GCFC2: variants seen among roughly 807,000 people sequenced by gnomAD.
GCFC2 encodes GC-rich sequence DNA-binding factor 2.
A neutral mutation model predicts 99.4 loss-of-function variants in GCFC2; 102 were observed. That is an observed-to-expected ratio of 1.03 (90% CI 0.87 to 1.21). GCFC2 has a LOEUF of 1.21. GCFC2 is among the 50% of genes most tolerant of loss of function. The pLI, the probability that GCFC2 is intolerant of heterozygous loss-of-function variation, is 0.00. For synonymous variants in GCFC2, 338 were observed against 316.8 expected (o/e 1.07, Z -0.71); for missense variants, 973 against 920.9 (o/e 1.06, Z -0.73).
In GCFC2 at chr2:75,687,935, C is replaced by T; in HGVS notation, c.1582G>A (p.Val528Ile). 6.2e-7 allele frequency: 1 copy of T among 1,600,466 alleles called. No homozygotes were observed. Among genetic ancestry groups the T allele is most frequent in the Non-Finnish European group, 8.5e-7 (1 of 1,171,824 alleles). ...ACACTGCTATCCATAAATTCTTCTA[C>T]AGATTTGAACCATGGCATCTCTTTT... Reference protein sequence around the residue: ...GLKEMPWFKSVEEFMDSSVED... With the variant: ...GLKEMPWFKSIEEFMDSSVED... Residue 528 changes from valine (V) to isoleucine (I), a missense_variant, in exon 11 of 17, where the codon GTA becomes ATA. By Grantham distance (29) the Val-to-Ile change is conservative. Coordinates refer to ENST00000321027, the MANE Select transcript of GCFC2 (RefSeq NM_003203.5).
At chr2:75,686,044 T>C (rs1445861317) in intron 11 of GCFC2, among the ~76,000 whole-genome samples, 1 of 152,208 alleles carries the variant, frequency 6.6e-6, no homozygotes, top group Non-Finnish European at 1.5e-5. Context: ...ATTCAATCAC[T>C]ATTTGGACTC....
At chr2:75,680,571 C>A (rs1043533903) in intron 11 of GCFC2, among the ~76,000 whole-genome samples, 21 of 152,128 alleles carry the variant, frequency 1.4e-4, no homozygotes, top group African/African-American at 4.1e-4. Flanking sequence ...TGCAACCATG[C>A]AGATAAAAAG....
At position 75,696,324 on chromosome 2, in the gene GCFC2, G is replaced by A. The variant is rs1314181354; in HGVS notation, c.718-9C>T. ...AGATCTATGTCTCTTTCCTAAAAAA[G>A]TAAAAATAGATTTTTACAAAACCAT... is the stretch of plus-strand genomic sequence containing the variant. On this transcript the variant is annotated splice_polypyrimidine_tract_variant and intron_variant, in intron 4 of 16. Transcript: ENST00000321027. The A allele has an allele frequency of 9.0e-6, 10 of 1,110,292 alleles. No individual in the cohort carries two copies. The highest frequency in any genetic ancestry group is 1.2e-5 in the Non-Finnish European group (9 of 729,888). The allele number at this position is 1,110,292 out of a possible 1,614,324, so 68.8% of individuals were successfully genotyped here. A position where few individuals can be genotyped will look rare whatever the true frequency, so the allele number is the denominator to read the frequency against.
chr2:75,695,467 G>A (rs1181041060), intron 5 of GCFC2, among the ~76,000 whole-genome samples: 2 of 151,990 alleles, frequency 1.3e-5, no homozygotes, highest in Non-Finnish European at 2.9e-5. Context: ...ATAGAAAAAT[G>A]CTTATAATCA....
At position 75,687,892 on chromosome 2, in the gene GCFC2, T is replaced by G. The variant is rs1679891839; in HGVS notation, c.1625A>C (p.Glu542Ala). ...CAAGACTTTTTTATCTGAACTACTT[T>G]CCTTCTTTGAATCTTCCACACTGCT... ...MDSSVEDSKKESSSDKKVLSA... is the reference protein window; with the variant it reads ...MDSSVEDSKKASSSDKKVLSA... The change falls in exon 11 of 17, where the codon GAA (glutamate) becomes GCA (alanine). Residue 542 changes from glutamate (E) to alanine (A), a missense_variant. By Grantham distance (107) the Glu-to-Ala change is moderately radical. Transcript: ENST00000321027. 1.2e-6 allele frequency: 2 copies of G among 1,605,502 alleles called. No individual in the cohort carries two copies. The highest frequency in any genetic ancestry group is 1.6e-4 in the Middle Eastern group (1 of 6,070).
chr2:75,690,030 T>G lies in GCFC2; in HGVS notation c.1278A>C (p.Glu426Asp). 1 of 1,610,224 alleles carries G rather than the reference T, an allele frequency of 6.2e-7. No individual in the cohort carries two copies. The highest frequency in any genetic ancestry group is 8.5e-7 in the Non-Finnish European group (1 of 1,177,946). The change falls in exon 9 of 17, where the codon GAA becomes GAC. Residue 426 changes from glutamate to aspartate, a missense_variant. By Grantham distance (45) the Glu-to-Asp change is conservative (BLOSUM62 2). Coordinates refer to ENST00000321027, the MANE Select transcript of GCFC2 (RefSeq NM_003203.5). ...GCAGTTCATCATCACTAGATGTTCC[T>G]TCCTGATGGTTACAATTCCCAGAAA... The part of the protein sequence containing the change: ...RVLSGNCNHQ[E>D]GTSSDDELPS...
intron 12 of GCFC2, chr2:75,679,730 G>A: frequency 2.5e-6 from 1 of 398,586 alleles, no homozygotes; most frequent in Non-Finnish European, 4.4e-6. Context: ...TCCTTTAGAA[G>A]AAATGAATTT....
At chr2:75,686,765 T>G (rs889265617) in intron 11 of GCFC2, among the ~76,000 whole-genome samples, 11 of 151,984 alleles carry the variant, frequency 7.2e-5, no homozygotes, top group Non-Finnish European at 1.0e-4. Flanking sequence ...CACAAAAAAT[T>G]AAATAAGAGT....
chr2:75,676,341 G>C (rs1679338509), intron 12 of GCFC2, among the ~76,000 whole-genome samples: 2 of 152,196 alleles, frequency 1.3e-5, no homozygotes, highest in African/African-American at 4.8e-5. Flanking sequence ...AACAATGAGA[G>C]TTAACAAACT....
At chr2:75,688,670 A>G (rs1297796556) in intron 10 of GCFC2, among the ~76,000 whole-genome samples, 1 of 151,852 alleles carries the variant, frequency 6.6e-6, no homozygotes, top group East Asian at 1.9e-4. Flanking sequence ...ACCCTAAGCA[A>G]CTCTTCCCAG....
intron 11 of GCFC2, among the ~76,000 whole-genome samples, chr2:75,684,391 A>G (rs1679723394): frequency 6.6e-6 from 1 of 152,236 alleles, no homozygotes; most frequent in South Asian, 2.1e-4. Context: ...TGGGTAAATA[A>G]AGAAATGGAG....
chr2:75,704,276 A>G (rs1427745087), intron 2 of GCFC2, among the ~76,000 whole-genome samples: 1 of 152,206 alleles, frequency 6.6e-6, no homozygotes, highest in Admixed American at 6.5e-5. Flanking sequence ...GTAACAAGTA[A>G]TCTCTGCTAG....
intron 14 of GCFC2, 26 bp downstream of exon 14, chr2:75,671,923 CT>C: frequency 8.0e-7 from 1 of 1,250,144 alleles, no homozygotes; most frequent in Non-Finnish European, 1.2e-6. Flanking sequence ...CAAAAATTGC[CT>C]TTTCATTTTT....
chr2:75,671,871 A>G, intron 14 of GCFC2, 79 bp downstream of exon 14: 2 of 692,804 alleles, frequency 2.9e-6, no homozygotes, highest in South Asian at 1.6e-5. Flanking sequence ...TTCTTATAGA[A>G]GAAGTTTGTT....
chr2:75,689,171 C>A lies in GCFC2; in HGVS notation c.1394G>T (p.Cys465Phe). 2 of 1,605,154 alleles carry A rather than the reference C, an allele frequency of 1.2e-6. No homozygotes were observed. Among genetic ancestry groups the A allele is most frequent in the Non-Finnish European group, 1.7e-6 (2 of 1,174,198 alleles). Residue 465 changes from cysteine to phenylalanine, a missense_variant, in exon 10 of 17, where the codon TGT becomes TTT. Transcript: ENST00000321027. The stretch of plus-strand genomic sequence containing the variant: ...TTTCAACAAAATATTCTGGATGTTA[C>A]AAAAATCATCTTGCACTTCTTCAAA... ...KVFEEVQDDF[C>F]NIQNILLKFQ... is the part of the protein sequence containing the mutation.
chr2:75,711,753 C>T (rs536427111), upstream of GCFC2, among the ~76,000 whole-genome samples: 139 of 152,346 alleles, frequency 9.1e-4, no homozygotes, highest in African/African-American at 3.1e-3. Context: ...GGTCCCCTAG[C>T]AGTGCCGGCC....
intron 15 of GCFC2, 78 bp downstream of exon 15, chr2:75,670,060 T>C (rs1052940309): frequency 1.1e-6 from 1 of 945,652 alleles, no homozygotes; most frequent in African/African-American, 1.7e-5. Context: ...CATTTAATTA[T>C]TTTGCTAAAT....
At chr2:75,700,689 T>C (rs981119215) in intron 4 of GCFC2, among the ~76,000 whole-genome samples, 3 of 152,240 alleles carry the variant, frequency 2.0e-5, no homozygotes, top group Admixed American at 6.5e-5. Flanking sequence ...AAGGTATTTA[T>C]AATCTAGTGG....
chr2:75,662,984 A>G lies in GCFC2; in HGVS notation c.*1682T>C, dbSNP rs1332084994. On this transcript the variant is annotated 3_prime_UTR_variant, in exon 17 of 17. Coordinates refer to ENST00000321027, the MANE Select transcript of GCFC2 (RefSeq NM_003203.5). ...GTAAATAGAGAAAAGGTCTAAAAGGATAACATTAAAATGAAAACAGCAGTT... is the reference window on the plus strand; with the variant it reads ...GTAAATAGAGAAAAGGTCTAAAAGGGTAACATTAAAATGAAAACAGCAGTT... 6.6e-6 allele frequency: 1 copy of G among 151,902 alleles called. No homozygotes were observed. Among genetic ancestry groups the G allele is most frequent in the African/African-American group, 2.4e-5 (1 of 41,390 alleles). The allele number at this position is 151,902 out of a possible 1,614,324, so 9.4% of individuals were successfully genotyped here. A position where few individuals can be genotyped will look rare whatever the true frequency, so the allele number is the denominator to read the frequency against.
Sources: gnomAD v4.1 joint callset for allele counts (sites outside exome capture counted in the v4.1 genomes callset) on GRCh38, gnomAD v4.1.1 for gene constraint, MANE v1.5 for transcripts, NCBI Gene and HGNC (gene_info 2026-07-23, HGNC 2026-07-21) for gene names.